The following CCDC97 variants were observed in gnomAD, a reference collection of about 807,000 sequenced individuals.
CCDC97 encodes the protein coiled-coil domain-containing protein 97.
A neutral mutation model predicts 33.9 loss-of-function variants in CCDC97; 27 were observed. The ratio of observed to expected loss-of-function variants is 0.80; its 90% CI spans 0.59 to 1.10. The LOEUF (loss-of-function observed/expected upper bound fraction) is 1.10, where lower values mean the gene tolerates loss of function less well. Among genes scored for constraint, CCDC97 ranks in the 50% least tolerant of loss-of-function variants. The pLI is 0.00. For missense variants in CCDC97, 422 were observed against 476.6 expected, an observed-to-expected ratio of 0.89 and a Z score of 1.07; for synonymous variants, 217 against 194.0, an observed-to-expected ratio of 1.12 and a Z score of -0.99.
At chr19:41,315,044 G>A (rs2037728829) in intron 1 of CCDC97, among the ~76,000 whole-genome samples, 2 of 150,172 alleles carry the variant, frequency 1.3e-5, no homozygotes, top group Non-Finnish European at 3.0e-5. Context: ...GCTCACGCCT[G>A]TAATCCCAGC....
At position 41,324,561 on chromosome 19, in the gene CCDC97, A is replaced by G. The variant is rs2037863024; in HGVS notation, c.*1846A>G. On this transcript the variant is annotated 3_prime_UTR_variant, in exon 5 of 5. Transcript: ENST00000269967. Reference sequence around the variant, plus strand: ...AGCCACTGTCCCGCACACAGACAGGATCAGGTCATCTTGATATGGAGATCA... The same window carrying G: ...AGCCACTGTCCCGCACACAGACAGGGTCAGGTCATCTTGATATGGAGATCA... The G allele has an allele frequency of 6.6e-6, 1 of 152,290 alleles. No individual in the cohort carries two copies. Among genetic ancestry groups the G allele is most frequent in the South Asian group, 2.1e-4 (1 of 4,834 alleles). The allele number at this position is 152,290 out of a possible 1,614,324, so 9.4% of individuals were successfully genotyped here. A position where few individuals can be genotyped will look rare whatever the true frequency, so the allele number is the denominator to read the frequency against.
intron 2 of CCDC97, 72 bp downstream of exon 2, chr19:41,316,911 G>C: frequency 8.3e-7 from 1 of 1,199,426 alleles, no homozygotes; most frequent in Admixed American, 2.4e-5. Flanking sequence ...GGGAATTAGA[G>C]AAAAGAATAC....
In CCDC97 at chr19:41,324,417, G is replaced by A. The variant is rs2037861189; in HGVS notation, c.*1702G>A. The A allele has an allele frequency of 6.6e-6, 1 of 152,238 alleles. No individual in the cohort carries two copies. Among genetic ancestry groups the A allele is most frequent in the African/African-American group, 2.4e-5 (1 of 41,460 alleles). The allele number at this position is 152,238 out of a possible 1,614,324, so 9.4% of individuals were successfully genotyped here. ...ACCACTTGGCTGTCTGGCCTCTCAG[G>A]TGTCAGGGCCATCCAGAGTGAGACA... On this transcript the variant is annotated 3_prime_UTR_variant, in exon 5 of 5. Transcript: ENST00000269967.
In CCDC97 at chr19:41,316,365, C is replaced by T. The variant is rs549033913; in HGVS notation, c.47-19C>T. The T allele has an allele frequency of 1.9e-6, 3 of 1,594,358 alleles. No individual in the cohort carries two copies. On this transcript the variant is annotated intron_variant, in intron 1 of 4. Transcript: ENST00000269967. ...CCCACACTCCCATCTCTGAACTAAC[C>T]AATCTCTCCTTTCCTCAGGCTGCAT...
Position 41,316,541 on chromosome 19 carries a change from C to T in CCDC97, c.204C>T (p.His68=), listed in dbSNP as rs377395901. 6.8e-4 allele frequency: 1,096 copies of T among 1,614,238 alleles called. 1 individual carries two copies. Among genetic ancestry groups the T allele is most frequent in the Admixed American group, 1.0e-3 (61 of 60,030 alleles). The change falls in exon 2 of 5, where the codon CAC becomes CAT. Residue 68 remains histidine, a synonymous_variant. Transcript: ENST00000269967. ...ATGCAGCAGTGAGTGCTATGCTGCA[C>T]GCTGTAGCCGCCAGCCGCCTGCCTG... is the stretch of plus-strand genomic sequence containing the variant. ...AENAAVSAML[H]AVAASRLPVC... is the part of the protein sequence containing the mutation.
Position 41,324,209 on chromosome 19 carries a change from G to A in CCDC97, c.*1494G>A, listed in dbSNP as rs772251631. On this transcript the variant is annotated 3_prime_UTR_variant, in exon 5 of 5. Transcript: ENST00000269967. ...AGAACGAAAGCCTCTGCTACGGAGC[G>A]CTTCTGTCCTCTGTCAGGCCCGAGC... The A allele has an allele frequency of 5.9e-5, 9 of 152,198 alleles. No homozygotes were observed. The highest frequency in any genetic ancestry group is 1.4e-4 in the African/African-American group (6 of 41,440). 9.4% of individuals were successfully genotyped at this position (152,198 alleles called of 1,614,324 possible).
chr19:41,313,123 T>C (rs2037706257), intron 1 of CCDC97, among the ~76,000 whole-genome samples: 1 of 152,100 alleles, frequency 6.6e-6, no homozygotes. Flanking sequence ...GATGTAGCTA[T>C]CTTTTGCACA....
At chr19:41,317,634 C>G (rs1011489984) in intron 2 of CCDC97, among the ~76,000 whole-genome samples, 7 of 151,278 alleles carry the variant, frequency 4.6e-5, no homozygotes, top group Non-Finnish European at 1.0e-4. Flanking sequence ...ATTGCTTGAG[C>G]CTGGGAGGTG....
chr19:41,322,535 G>T, intron 4 of CCDC97, 60 bp from the exon 5 acceptor site: 7 of 1,579,374 alleles, frequency 4.4e-6, no homozygotes, highest in South Asian at 1.2e-5. Flanking sequence ...CCAGGCCTTT[G>T]ACCTGGGCAT....
At position 41,320,450 on chromosome 19, in the gene CCDC97, G is replaced by T; in HGVS notation, c.891G>T (p.Lys297Asn). Residue 297 changes from lysine (K) to asparagine (N), a missense_variant, in exon 4 of 5, where the codon AAG (lysine) becomes AAT (asparagine). By Grantham distance (94) the Lys-to-Asn change is moderately conservative (BLOSUM62 0). Transcript: ENST00000269967. ...TGCACCAGCGCTTCCTAGATGGCAAGGACGGGGACTTTGACTACAGGTGCT... is the reference window on the plus strand; with the variant it reads ...TGCACCAGCGCTTCCTAGATGGCAATGACGGGGACTTTGACTACAGGTGCT... The part of the protein sequence containing the change: ...SRMHQRFLDG[K>N]DGDFDYSTVD... 6.2e-7 allele frequency: 1 copy of T among 1,614,044 alleles called. No individual in the cohort carries two copies.
chr19:41,313,643 C>T (rs1275081859), intron 1 of CCDC97, among the ~76,000 whole-genome samples: 1 of 152,152 alleles, frequency 6.6e-6, no homozygotes, highest in Non-Finnish European at 1.5e-5. Context: ...CAGGCTTGCT[C>T]CCTCCACTCT....
At chr19:41,320,319 C>G (rs1434458979) in intron 3 of CCDC97, 22 bp from the exon 4 acceptor site, 1 of 1,612,846 alleles carries the variant, frequency 6.2e-7, no homozygotes, top group Non-Finnish European at 8.5e-7. Context: ...GCATTCACAC[C>G]CCCTCTCCTC....
chr19:41,316,275 T>C, intron 1 of CCDC97, 109 bp from the exon 2 acceptor site: 2 of 818,846 alleles, frequency 2.4e-6, no homozygotes, highest in East Asian at 2.7e-5. Context: ...CCCAGAACAG[T>C]GCCCAGAATA....
chr19:41,319,524 T>A (rs1568469868), intron 2 of CCDC97, 50 bp from the exon 3 acceptor site: 1 of 1,340,200 alleles, frequency 7.5e-7, no homozygotes, highest in East Asian at 2.3e-5. Context: ...ACATGGACAC[T>A]ATCTGCTCAG....
In CCDC97 at chr19:41,322,671, G is replaced by C; in HGVS notation, c.988G>C (p.Glu330Gln). 1 of 1,613,078 alleles carries C rather than the reference G, an allele frequency of 6.2e-7. No individual in the cohort carries two copies. Among genetic ancestry groups the C allele is most frequent in the Non-Finnish European group, 8.5e-7 (1 of 1,179,556 alleles). The part of the protein sequence containing the change: ...RDEEERYFDE[E>Q]EPEDAPSPEL... ...TGAGGAGGAGAGGTACTTTGATGAGGAAGAACCTGAGGATGCGCCCAGCCC... is the reference window on the plus strand; with the variant it reads ...TGAGGAGGAGAGGTACTTTGATGAGCAAGAACCTGAGGATGCGCCCAGCCC... The change falls in exon 5 of 5, where the codon GAA becomes CAA. Residue 330 changes from glutamate (E) to glutamine (Q), a missense_variant. Transcript: ENST00000269967.
At position 41,310,307 on chromosome 19, in the gene CCDC97, C is replaced by T; in HGVS notation, c.-4C>T. The T allele has an allele frequency of 6.2e-7, 1 of 1,602,448 alleles. No homozygotes were observed. The highest frequency in any genetic ancestry group is 1.3e-5 in the African/African-American group (1 of 74,858). ...GGGCGGTTGAAAAGTCCGAGAGAAT[C>T]AGGATGGAGGCCGTGGCGACGGCGA... On this transcript the variant is annotated 5_prime_UTR_variant, in exon 1 of 5. Coordinates refer to ENST00000269967, the MANE Select transcript of CCDC97 (RefSeq NM_052848.3).
At chr19:41,315,023 C>T (rs1183432608) in intron 1 of CCDC97, among the ~76,000 whole-genome samples, 1 of 149,690 alleles carries the variant, frequency 6.7e-6, no homozygotes, top group Non-Finnish European at 1.5e-5. Flanking sequence ...GGGTGCAGGC[C>T]AGGCGCAGTG....
rs768197651 is a variant in CCDC97, at chr19:41,316,501, C to T, written c.164C>T (p.Thr55Ile). The change falls in exon 2 of 5, where the codon ACC becomes ATC. Residue 55 changes from threonine (T) to isoleucine (I), a missense_variant. Coordinates refer to ENST00000269967, the MANE Select transcript of CCDC97 (RefSeq NM_052848.3). Reference sequence around the variant, plus strand: ...ACACCAGTGGCCCTGGACAGTGACACCTCCGGGGCTGAAAATGCAGCAGTG... The same window carrying T: ...ACACCAGTGGCCCTGGACAGTGACATCTCCGGGGCTGAAAATGCAGCAGTG... The part of the protein sequence containing the change: ...EATPVALDSD[T>I]SGAENAAVSA... The T allele has an allele frequency of 2.2e-5, 35 of 1,614,104 alleles. No homozygotes were observed. The highest frequency in any genetic ancestry group is 2.5e-5 in the Non-Finnish European group (29 of 1,180,024).
At chr19:41,312,105 A>G (rs2037692665) in intron 1 of CCDC97, among the ~76,000 whole-genome samples, 1 of 152,036 alleles carries the variant, frequency 6.6e-6, no homozygotes, top group African/African-American at 2.4e-5. Context: ...TTGTTTTTTG[A>G]GAGAGTCTCA....
Sources: gnomAD v4.1 joint callset for allele counts (sites outside exome capture counted in the v4.1 genomes callset) on GRCh38, gnomAD v4.1.1 for gene constraint, MANE v1.5 for transcripts, NCBI Gene and HGNC (gene_info 2026-07-23, HGNC 2026-07-21) for gene names.